Variants in MYBPHL observed in about 807,000 individuals in gnomAD.
MYBPHL encodes myosin-binding protein H-like.
A neutral mutation model predicts 39.5 loss-of-function variants in MYBPHL; 32 were observed. That is an observed-to-expected ratio of 0.81 (90% CI 0.61 to 1.09). The LOEUF is 1.09. Among genes scored for constraint, MYBPHL ranks in the 50% least tolerant of loss-of-function variants. The probability of loss-of-function intolerance (pLI) is 0.00; values close to 1 mark genes in which losing one functional copy is unlikely to be tolerated. For missense variants in MYBPHL, 456 were observed against 460.2 expected (o/e 0.99, Z 0.08); for synonymous variants, 196 against 183.7 (o/e 1.07, Z -0.54).
chr1:109,297,117 G>C lies in MYBPHL; in HGVS notation c.503C>G (p.Pro168Arg), dbSNP rs766582821. Residue 168 changes from proline to arginine, a missense_variant, in exon 4 of 9, where the codon CCG becomes CGG. Coordinates refer to ENST00000357155, the MANE Select transcript of MYBPHL (RefSeq NM_001010985.3). ...TGCTGTATTCCCCGTATCTTGGGGC[G>C]GTGTCCATTCCAGTGTAGCGCTGAA... is the stretch of plus-strand genomic sequence containing the variant. Reference protein sequence around the residue: ...WGFSATLEWTPPQDTGNTALL... With the variant: ...WGFSATLEWTRPQDTGNTALL... 3.7e-6 allele frequency: 6 copies of C among 1,613,964 alleles called. No individual in the cohort carries two copies. The Admixed American group carries it at 8.3e-5, about 22-fold the overall frequency.
intron 8 of MYBPHL, among the ~76,000 whole-genome samples, chr1:109,293,799 C>G (rs912231131): frequency 6.6e-6 from 1 of 151,756 alleles, no homozygotes; most frequent in Non-Finnish European, 1.5e-5. Flanking sequence ...CATGTCGGCT[C>G]TCACCTGTAA....
chr1:109,297,184 G>C lies in MYBPHL; in HGVS notation c.436C>G (p.Pro146Ala). 1 of 1,614,194 alleles carries C rather than the reference G, an allele frequency of 6.2e-7. No individual in the cohort carries two copies. The highest frequency in any genetic ancestry group is 1.1e-5 in the South Asian group (1 of 91,090). ...ATIDILVIER[P>A]GPPQSIKLVD... ...AGCTTAATACTCTGAGGAGGGCCTGGCCTCTCTGAAAGGGCAAAGCCATGG... is the reference window on the plus strand; with the variant it reads ...AGCTTAATACTCTGAGGAGGGCCTGCCCTCTCTGAAAGGGCAAAGCCATGG... The change falls in exon 4 of 9, where the codon CCA (proline) becomes GCA (alanine). Residue 146 changes from proline (P) to alanine (A), a missense_variant. Physicochemically the swap from Pro to Ala is conservative, Grantham distance 27. Coordinates refer to ENST00000357155, the MANE Select transcript of MYBPHL (RefSeq NM_001010985.3).
intron 1 of MYBPHL, among the ~76,000 whole-genome samples, chr1:109,301,326 T>C (rs1658270336): frequency 6.6e-6 from 1 of 152,098 alleles, no homozygotes; most frequent in Non-Finnish European, 1.5e-5. Context: ...CTTCATGGGG[T>C]CTTAGAGAAA....
At chr1:109,296,014 A>G (rs1323748603) in intron 6 of MYBPHL, among the ~76,000 whole-genome samples, 7 of 152,242 alleles carry the variant, frequency 4.6e-5, no homozygotes, top group South Asian at 4.1e-4. Context: ...CAACACCTCC[A>G]TATATGAGAA....
chr1:109,306,992 G>C lies in MYBPHL; in HGVS notation c.-1C>G, dbSNP rs1658494533. 1 of 1,609,500 alleles carries C rather than the reference G, an allele frequency of 6.2e-7. No individual in the cohort carries two copies. The highest frequency in any genetic ancestry group is 8.5e-7 in the Non-Finnish European group (1 of 1,178,052). ...CCTCCGGAGCTGTGGCTGCCTCCATGCTGGGCCTTCCCAGAGGCTGAGCTC... is the reference window on the plus strand; with the variant it reads ...CCTCCGGAGCTGTGGCTGCCTCCATCCTGGGCCTTCCCAGAGGCTGAGCTC... On this transcript the variant is annotated 5_prime_UTR_variant, in exon 1 of 9. Coordinates refer to ENST00000357155, the MANE Select transcript of MYBPHL (RefSeq NM_001010985.3).
At chr1:109,299,046 T>C (rs1658190208) in intron 1 of MYBPHL, among the ~76,000 whole-genome samples, 1 of 152,138 alleles carries the variant, frequency 6.6e-6, no homozygotes, top group Non-Finnish European at 1.5e-5. Context: ...ATTGACCAGG[T>C]ATCATTTCTC....
At chr1:109,303,655 T>C (rs1188010113) in intron 1 of MYBPHL, among the ~76,000 whole-genome samples, 2 of 152,274 alleles carry the variant, frequency 1.3e-5, no homozygotes, top group African/African-American at 2.4e-5. Context: ...TTCCCAGTTG[T>C]CGATCTTGCT....
At chr1:109,294,130 C>T (rs1286688582) in intron 8 of MYBPHL, 76 bp downstream of exon 8, 9 of 987,744 alleles carry the variant, frequency 9.1e-6, no homozygotes, top group African/African-American at 4.7e-5. Context: ...CAGGAATGCA[C>T]CTCTGTCCCT....
chr1:109,294,726 G>A (rs1557761216), intron 7 of MYBPHL, among the ~76,000 whole-genome samples: 1 of 152,126 alleles, frequency 6.6e-6, no homozygotes, highest in Non-Finnish European at 1.5e-5. Context: ...AGCTTTCCTA[G>A]GCTGAGTCAG....
chr1:109,293,696 C>T (rs1309953888), intron 8 of MYBPHL, among the ~76,000 whole-genome samples: 3 of 151,334 alleles, frequency 2.0e-5, no homozygotes, highest in Admixed American at 6.6e-5. Flanking sequence ...GCCGAGATAG[C>T]GCCACTGCAC....
At chr1:109,301,189 C>T (rs1207960291) in intron 1 of MYBPHL, among the ~76,000 whole-genome samples, 1 of 152,228 alleles carries the variant, frequency 6.6e-6, no homozygotes, top group Non-Finnish European at 1.5e-5. Context: ...GGAGGCATGG[C>T]TTCCCCTGAT....
chr1:109,297,465 CA>C lies in MYBPHL; in HGVS notation c.386del (p.Leu129ArgfsTer14). On this transcript the variant is annotated frameshift_variant, in exon 3 of 9. Coordinates refer to ENST00000357155, the MANE Select transcript of MYBPHL (RefSeq NM_001010985.3). LOFTEE classifies it high-confidence loss of function. ...DSGRYQLRVQ[L>X]GGLEATATID... The stretch of plus-strand genomic sequence containing the variant: ...TGGTGGCGGTGGCCTCCAGCCCACC[CA>C]GCTGCACGCGGAGTTGGTAGCGACC... The C allele has an allele frequency of 6.2e-7, 1 of 1,613,310 alleles. No individual in the cohort carries two copies. Among genetic ancestry groups the C allele is most frequent in the South Asian group, 1.1e-5 (1 of 91,020 alleles).
intron 3 of MYBPHL, 80 bp downstream of exon 3, chr1:109,297,342 C>A: frequency 6.4e-7 from 1 of 1,561,332 alleles, no homozygotes; most frequent in Non-Finnish European, 8.7e-7. Context: ...GCAGCTTCCC[C>A]AGCTCTCTGA....
chr1:109,297,207 T>C lies in MYBPHL; in HGVS notation c.431-18A>G, dbSNP rs764125604. ...TGGCCTCTCTGAAAGGGCAAAGCCA[T>C]GGCAGTGGGCGTGGAACATCCCACA... On this transcript the variant is annotated intron_variant, in intron 3 of 8. Coordinates refer to ENST00000357155, the MANE Select transcript of MYBPHL (RefSeq NM_001010985.3). The C allele has an allele frequency of 3.7e-6, 6 of 1,614,172 alleles. No homozygotes were observed. The highest frequency in any genetic ancestry group is 3.3e-5 in the Admixed American group (2 of 60,022).
rs1057052881 is a variant in MYBPHL, at chr1:109,296,333, G to T, written c.768C>A (p.Asp256Glu). Residue 256 changes from aspartate to glutamate, a missense_variant, in exon 6 of 9, where the codon GAC (aspartate) becomes GAA (glutamate). Coordinates refer to ENST00000357155, the MANE Select transcript of MYBPHL (RefSeq NM_001010985.3). ...GGGTAAACTTTGGGGCTTCAGAGAA[G>T]TCTCGTTGGGCAAACCCCTTGGTCT... ...VYKTKGFAQR[D>E]FSEAPKFTQP... The T allele has an allele frequency of 6.2e-7, 1 of 1,614,180 alleles. No homozygotes were observed. Among genetic ancestry groups the T allele is most frequent in the Non-Finnish European group, 8.5e-7 (1 of 1,180,032 alleles).
At chr1:109,294,425 C>T (rs1314901458) in intron 7 of MYBPHL, among the ~76,000 whole-genome samples, 176 bp from the exon 8 acceptor site, 4 of 152,264 alleles carry the variant, frequency 2.6e-5, no homozygotes, top group East Asian at 3.9e-4. Flanking sequence ...ATTCTTGATC[C>T]ATGCAACAAA....
chr1:109,298,981 G>A (rs748403831), intron 1 of MYBPHL, among the ~76,000 whole-genome samples: 1 of 152,210 alleles, frequency 6.6e-6, no homozygotes, highest in Non-Finnish European at 1.5e-5. Flanking sequence ...ATGTGTATGG[G>A]CTTCCAGGAT....
intron 1 of MYBPHL, among the ~76,000 whole-genome samples, chr1:109,299,292 A>C (rs1658200161): frequency 6.6e-6 from 1 of 152,212 alleles, no homozygotes; most frequent in African/African-American, 2.4e-5. Flanking sequence ...CAGTTGGAAG[A>C]ACTTCACCCC....
intron 1 of MYBPHL, among the ~76,000 whole-genome samples, chr1:109,299,803 G>A (rs879923055): frequency 6.6e-5 from 10 of 152,214 alleles, no homozygotes; most frequent in Admixed American, 6.5e-5. Flanking sequence ...AGCTGCAGGC[G>A]GCTGAGTGAC....
Sources: gnomAD v4.1 joint callset for allele counts (sites outside exome capture counted in the v4.1 genomes callset) on GRCh38, gnomAD v4.1.1 for gene constraint, MANE v1.5 for transcripts, NCBI Gene and HGNC (gene_info 2026-07-23, HGNC 2026-07-21) for gene names.